The following FAM174A variants were observed in gnomAD, a reference collection of about 807,000 sequenced individuals.
FAM174A encodes the protein family with sequence similarity 174 member A.
A neutral mutation model predicts 14.3 loss-of-function variants in FAM174A; 14 were observed. The ratio of observed to expected loss-of-function variants is 0.98; its 90% confidence interval spans 0.65 to 1.53. FAM174A has a LOEUF of 1.53. FAM174A is among the 40% of genes most tolerant of loss of function. The pLI, the probability that FAM174A is intolerant of heterozygous loss-of-function variation, is 0.00. For synonymous variants in FAM174A, 108 were observed against 111.4 expected (o/e 0.97, Z 0.19); for missense variants, 241 against 249.6 (o/e 0.97, Z 0.23).
intron 2 of FAM174A, among the ~76,000 whole-genome samples, chr5:100,575,803 T>C (rs2112400591): frequency 6.6e-6 from 1 of 152,170 alleles, no homozygotes; most frequent in East Asian, 1.9e-4. Context: ...AAGGCTAATA[T>C]CTAGAATCTA....
At chr5:100,542,436 A>G (rs1435143888) in intron 1 of FAM174A, among the ~76,000 whole-genome samples, 1 of 152,268 alleles carries the variant, frequency 6.6e-6, no homozygotes, top group Non-Finnish European at 1.5e-5. Flanking sequence ...CAGTCATCCA[A>G]TTTCAATTGC....
intron 1 of FAM174A, among the ~76,000 whole-genome samples, chr5:100,549,540 G>A (rs992917200): frequency 6.6e-5 from 10 of 151,934 alleles, no homozygotes; most frequent in Non-Finnish European, 8.8e-5. Flanking sequence ...AAGGAGTTGG[G>A]AGAGAAAAGG....
At chr5:100,577,213 AATT>A (rs1721579416) in intron 2 of FAM174A, among the ~76,000 whole-genome samples, 2 of 152,114 alleles carry the variant, frequency 1.3e-5, no homozygotes, top group African/African-American at 4.8e-5. Flanking sequence ...TAATAAAAAT[AATT>A]AAGTTTTAAA....
chr5:100,581,721 C>T lies in FAM174A; in HGVS notation c.570-4460C>T, dbSNP rs1471308833. ...GGGAGGGAGTGGGGAGTGGTGGTTC[C>T]TACAGTAGCCCCTGAACAGCATGAA... is the stretch of plus-strand genomic sequence containing the variant. On this transcript the variant is annotated intron_variant, in intron 2 of 2. Coordinates refer to ENST00000312637, the MANE Select transcript of FAM174A (RefSeq NM_198507.3). Among the ~76,000 whole-genome samples, 3 of 152,188 alleles carry T rather than the reference C, an allele frequency of 2.0e-5. No homozygotes were observed. The East Asian group carries it at 5.8e-4, about 29-fold the overall frequency.
intron 2 of FAM174A, among the ~76,000 whole-genome samples, chr5:100,569,590 C>T (rs1371148956): frequency 6.6e-6 from 1 of 151,698 alleles, no homozygotes; most frequent in Non-Finnish European, 1.5e-5. Context: ...TTTCTGGGAG[C>T]AGAATTATGG....
chr5:100,563,872 G>A (rs757832419), intron 2 of FAM174A, among the ~76,000 whole-genome samples: 20 of 151,786 alleles, frequency 1.3e-4, no homozygotes, highest in African/African-American at 1.7e-4. Context: ...GAAACTAAAC[G>A]ATATAGTTTG....
At chr5:100,567,108 G>A (rs1055988912) in intron 2 of FAM174A, among the ~76,000 whole-genome samples, 3 of 151,720 alleles carry the variant, frequency 2.0e-5, no homozygotes, top group Non-Finnish European at 4.4e-5. Flanking sequence ...GAAAGTGAAA[G>A]AACAAGAATT....
At chr5:100,582,690 T>C (rs1747045731) in intron 2 of FAM174A, among the ~76,000 whole-genome samples, 1 of 152,132 alleles carries the variant, frequency 6.6e-6, no homozygotes, top group South Asian at 2.1e-4. Flanking sequence ...CCCATTGTAG[T>C]GTTTATTGGA....
chr5:100,544,852 T>C (rs1221386240), intron 1 of FAM174A, among the ~76,000 whole-genome samples: 1 of 152,200 alleles, frequency 6.6e-6, no homozygotes, highest in Non-Finnish European at 1.5e-5. Flanking sequence ...TTGAGATGCT[T>C]CTGGTTAGTT....
intron 2 of FAM174A, among the ~76,000 whole-genome samples, chr5:100,581,826 T>C (rs1377573053): frequency 6.6e-6 from 1 of 152,150 alleles, no homozygotes; most frequent in Non-Finnish European, 1.5e-5. Flanking sequence ...CATACAGTCT[T>C]ATAAATATAA....
At chr5:100,552,679 A>T (rs933771859) in intron 1 of FAM174A, among the ~76,000 whole-genome samples, 1 of 152,090 alleles carries the variant, frequency 6.6e-6, no homozygotes, top group Admixed American at 6.6e-5. Flanking sequence ...TATCAAGCTT[A>T]CTTTAGTGGT....
rs1746118191 is a variant in FAM174A at position 100,544,038 on chromosome 5, T to C, written c.434+8074T>C. On this transcript the variant is annotated intron_variant, in intron 1 of 2. Transcript: ENST00000312637. ...TTTAGAAAATAGTAGATTTTCACGT[T>C]TTCTGAATTAATATCAAAAGGAAAT... Among the ~76,000 whole-genome samples, 3 of 152,300 alleles carry C rather than the reference T, an allele frequency of 2.0e-5. No individual in the cohort carries two copies. In the South Asian group the frequency reaches 6.2e-4, roughly 32 times the overall value.
chr5:100,578,048 AT>A (rs1746936625), intron 2 of FAM174A, among the ~76,000 whole-genome samples: 1 of 152,062 alleles, frequency 6.6e-6, no homozygotes, highest in South Asian at 2.1e-4. Context: ...GTTGTTTATT[AT>A]TTTATAGTCT....
intron 1 of FAM174A, among the ~76,000 whole-genome samples, chr5:100,549,199 G>C (rs931718162): frequency 6.6e-6 from 1 of 152,088 alleles, no homozygotes; most frequent in Non-Finnish European, 1.5e-5. Context: ...AGGCTACAAA[G>C]GATGAATCTT....
intron 1 of FAM174A, among the ~76,000 whole-genome samples, chr5:100,556,202 C>T (rs1186134142): frequency 6.6e-6 from 1 of 152,120 alleles, no homozygotes; most frequent in Non-Finnish European, 1.5e-5. Context: ...AATAGGGATC[C>T]TTTCCCCATT....
Position 100,562,661 on chromosome 5 carries a change from C to T in FAM174A, c.569+473C>T, listed in dbSNP as rs183441627. On this transcript the variant is annotated intron_variant, in intron 2 of 2. Coordinates refer to ENST00000312637, the MANE Select transcript of FAM174A (RefSeq NM_198507.3). ...GAGAAATACTTATTAAATTTAATTTCCTTTTTGTATTCTGAAGATATTTTC... is the reference window on the plus strand; with the variant it reads ...GAGAAATACTTATTAAATTTAATTTTCTTTTTGTATTCTGAAGATATTTTC... Among the ~76,000 whole-genome samples the T allele has an allele frequency of 1.2e-3, 180 of 151,312 alleles. 1 individual carries two copies. The highest frequency in any genetic ancestry group is 1.5e-3 in the Non-Finnish European group (100 of 67,584).
At chr5:100,555,629 T>C (rs1372217375) in intron 1 of FAM174A, among the ~76,000 whole-genome samples, 1 of 152,136 alleles carries the variant, frequency 6.6e-6, no homozygotes, top group East Asian at 1.9e-4. Context: ...TTCTAACTGG[T>C]GTGAGATGGT....
intron 2 of FAM174A, among the ~76,000 whole-genome samples, chr5:100,567,367 C>A (rs247934): frequency 0.4 from 60,300 of 151,532 alleles, 12,441 homozygotes; most frequent in Admixed American, 0.46. Flanking sequence ...CAGAACAAAA[C>A]AAAACAAAAC....
intron 1 of FAM174A, among the ~76,000 whole-genome samples, chr5:100,541,164 TA>T (rs1183303569): frequency 6.6e-6 from 1 of 152,182 alleles, no homozygotes; most frequent in Non-Finnish European, 1.5e-5. Flanking sequence ...TTCTGAATAT[TA>T]GGGCTTCAAA....
Sources: gnomAD v4.1 joint callset for allele counts (sites outside exome capture counted in the v4.1 genomes callset) on GRCh38, gnomAD v4.1.1 for gene constraint, MANE v1.5 for transcripts, NCBI Gene and HGNC (gene_info 2026-07-23, HGNC 2026-07-21) for gene names.